The following CNTN3 variants were observed in gnomAD, a reference collection of about 807,000 sequenced individuals.
The protein encoded by CNTN3 is contactin 3, also known as contactin-3.
Under a neutral mutation model 119.1 loss-of-function variants are expected in CNTN3, and 60 were observed. The ratio of observed to expected loss-of-function variants is 0.50; its 90% confidence interval spans 0.41 to 0.62. The LOEUF (loss-of-function observed/expected upper bound fraction) is 0.62, where lower values mean the gene tolerates loss of function less well. Ranked by LOEUF, CNTN3 falls within the 20% of genes least tolerant of loss-of-function variation. The pLI is 0.00. For synonymous variants in CNTN3, 450 were observed against 438.7 expected (o/e 1.03, Z -0.32); for missense variants, 1,101 against 1,242.4 (o/e 0.89, Z 1.71).
intron 5 of CNTN3, among the ~76,000 whole-genome samples, chr3:74,381,176 C>T (rs1238992245): frequency 6.7e-6 from 1 of 150,236 alleles, no homozygotes; most frequent in African/African-American, 2.5e-5. Flanking sequence ...CAGAGTTAAA[C>T]ACCATTAAAA....
chr3:74,535,545 G>C (rs1703752295), intron 1 of CNTN3, among the ~76,000 whole-genome samples: 1 of 152,054 alleles, frequency 6.6e-6, no homozygotes, highest in African/African-American at 2.4e-5. Context: ...GAGTCTGATA[G>C]GCCAGATACA....
chr3:74,379,763 C>G (rs1023472048), intron 5 of CNTN3, among the ~76,000 whole-genome samples: 1 of 152,112 alleles, frequency 6.6e-6, no homozygotes, highest in African/African-American at 2.4e-5. Context: ...CAAAGACACT[C>G]AAAACAGGAT....
At chr3:74,337,199 C>A (rs970905815) in intron 11 of CNTN3, among the ~76,000 whole-genome samples, 2 of 151,992 alleles carry the variant, frequency 1.3e-5, no homozygotes, top group African/African-American at 4.8e-5. Flanking sequence ...ATGAAAAGAG[C>A]CTAGGCAAAT....
chr3:74,395,508 T>G (rs1434771842), intron 5 of CNTN3, among the ~76,000 whole-genome samples: 5 of 152,058 alleles, frequency 3.3e-5, no homozygotes, highest in African/African-American at 9.7e-5. Flanking sequence ...TTAGTAAAGG[T>G]TATATAAGTG....
chr3:74,514,470 T>A (rs983528523), intron 2 of CNTN3, among the ~76,000 whole-genome samples: 3 of 152,082 alleles, frequency 2.0e-5, no homozygotes, highest in South Asian at 4.1e-4. Context: ...ATCAGCCACC[T>A]TAGGAAAATA....
rs1380112773 is a variant in CNTN3 at position 74,614,549 on chromosome 3, C to T, written c.-239G>A. Reference sequence around the variant, plus strand: ...GCCGCCGCCGCAGGCGCAGCACCCTCGTCCGCACGGTTCCCGGCCCAGTCC... The same window carrying T: ...GCCGCCGCCGCAGGCGCAGCACCCTTGTCCGCACGGTTCCCGGCCCAGTCC... On this transcript the variant is annotated 5_prime_UTR_variant, in exon 1 of 23. Coordinates refer to ENST00000263665, the MANE Select transcript of CNTN3 (RefSeq NM_020872.3). Among the ~76,000 whole-genome samples, 1 of 148,030 alleles carries T rather than the reference C, an allele frequency of 6.8e-6. No homozygotes were observed.
intron 5 of CNTN3, among the ~76,000 whole-genome samples, chr3:74,424,354 T>C (rs1701660765): frequency 6.6e-6 from 1 of 151,048 alleles, no homozygotes; most frequent in Non-Finnish European, 1.5e-5. Context: ...CCAATGTAAA[T>C]GATGTGGATA....
At chr3:74,363,227 A>G (rs1240677639) in intron 10 of CNTN3, among the ~76,000 whole-genome samples, 1 of 152,180 alleles carries the variant, frequency 6.6e-6, no homozygotes, top group Non-Finnish European at 1.5e-5. Flanking sequence ...TCATCCCTCC[A>G]GGCATCATTC....
chr3:74,308,636 G>A (rs1335025310), intron 13 of CNTN3, among the ~76,000 whole-genome samples: 1 of 151,640 alleles, frequency 6.6e-6, no homozygotes, highest in Non-Finnish European at 1.5e-5. Flanking sequence ...TTTCTGGCCA[G>A]TGCGATGTGT....
chr3:74,294,934 C>T (rs1449290351), intron 19 of CNTN3, among the ~76,000 whole-genome samples, 187 bp downstream of exon 19: 2 of 152,146 alleles, frequency 1.3e-5, no homozygotes, highest in African/African-American at 4.8e-5. Context: ...TCTACTCCAA[C>T]TAATGTTATT....
At chr3:74,576,915 T>C (rs1373365659) in intron 1 of CNTN3, among the ~76,000 whole-genome samples, 1 of 152,146 alleles carries the variant, frequency 6.6e-6, no homozygotes, top group Non-Finnish European at 1.5e-5. Flanking sequence ...TTACTACTTC[T>C]CAGGTAAATC....
intron 13 of CNTN3, among the ~76,000 whole-genome samples, chr3:74,308,973 A>C (rs1209200212): frequency 6.6e-6 from 1 of 152,232 alleles, no homozygotes; most frequent in East Asian, 1.9e-4. Flanking sequence ...TTAAATGCTC[A>C]CTAAGCTGGA....
intron 11 of CNTN3, 32 bp from the exon 12 acceptor site, chr3:74,336,690 T>C (rs1703403674): frequency 6.6e-7 from 1 of 1,518,210 alleles, no homozygotes; most frequent in African/African-American, 1.4e-5. Context: ...TAAATAAATA[T>C]ATAATAGCCA....
At chr3:74,561,194 AAT>A (rs904238334) in intron 1 of CNTN3, among the ~76,000 whole-genome samples, 2 of 150,992 alleles carry the variant, frequency 1.3e-5, no homozygotes, top group African/African-American at 5.0e-5. Flanking sequence ...AATAAAAAAA[AAT>A]AAAATGAAAT....
intron 13 of CNTN3, among the ~76,000 whole-genome samples, chr3:74,306,650 C>T (rs1270862689): frequency 1.3e-5 from 2 of 152,094 alleles, no homozygotes; most frequent in Non-Finnish European, 2.9e-5. Flanking sequence ...TTCTATGCTG[C>T]TGTCCACAAT....
At chr3:74,472,299 A>G (rs1328813386) in intron 4 of CNTN3, among the ~76,000 whole-genome samples, 1 of 152,174 alleles carries the variant, frequency 6.6e-6, no homozygotes, top group Non-Finnish European at 1.5e-5. Flanking sequence ...TAATTTGAGC[A>G]TACTTTGCCC....
At chr3:74,522,783 G>GAA (rs59747912) in intron 1 of CNTN3, among the ~76,000 whole-genome samples, 1 of 146,834 alleles carries the variant, frequency 6.8e-6, no homozygotes, top group Admixed American at 6.8e-5. Flanking sequence ...GTGGAAAAAG[G>GAA]AAAAAAAAAA....
At chr3:74,443,289 T>C (rs1438088757) in intron 4 of CNTN3, among the ~76,000 whole-genome samples, 1 of 152,172 alleles carries the variant, frequency 6.6e-6, no homozygotes, top group African/African-American at 2.4e-5. Flanking sequence ...GGCCCTTGGA[T>C]CCTTTCCATC....
chr3:74,307,736 A>G (rs1702594037), intron 13 of CNTN3, among the ~76,000 whole-genome samples: 1 of 152,240 alleles, frequency 6.6e-6, no homozygotes, highest in Non-Finnish European at 1.5e-5. Flanking sequence ...GGTTTAAAAT[A>G]AACTTCGGAA....
Sources: gnomAD v4.1 joint callset for allele counts (sites outside exome capture counted in the v4.1 genomes callset) on GRCh38, gnomAD v4.1.1 for gene constraint, MANE v1.5 for transcripts, NCBI Gene and HGNC (gene_info 2026-07-23, HGNC 2026-07-21) for gene names.